ATAD1: variants seen among roughly 807,000 people sequenced by gnomAD.
ATAD1 encodes the protein outer mitochondrial transmembrane helix translocase.
ATAD1 carries 18 observed loss-of-function variants against 42.7 expected under a neutral mutation model. That is an observed-to-expected ratio of 0.42 (90% CI 0.29 to 0.63). ATAD1 has a LOEUF of 0.63. Among genes scored for constraint, ATAD1 ranks in the 20% least tolerant of loss-of-function variants. The pLI is 0.19. For missense variants in ATAD1, 294 were observed against 440.4 expected, an observed-to-expected ratio of 0.67 and a Z score of 2.98; for synonymous variants, 132 against 143.1, an observed-to-expected ratio of 0.92 and a Z score of 0.55.
chr10:87,778,913 A>G (rs1009510705), intron 5 of ATAD1, among the ~76,000 whole-genome samples: 1 of 152,234 alleles, frequency 6.6e-6, no homozygotes, highest in Admixed American at 6.5e-5. Context: ...CAAAACTATA[A>G]AACTTCTAGG....
intron 8 of ATAD1, among the ~76,000 whole-genome samples, chr10:87,761,943 T>C (rs1226569345): frequency 6.6e-6 from 1 of 152,044 alleles, no homozygotes; most frequent in Non-Finnish European, 1.5e-5. Flanking sequence ...TGAGGTCTCA[T>C]CATGTTGCCC....
In ATAD1 at chr10:87,753,122, A is replaced by T. The variant is rs1854081295; in HGVS notation, c.*1565T>A. On this transcript the variant is annotated 3_prime_UTR_variant, in exon 10 of 10. Coordinates refer to ENST00000680024, the MANE Select transcript of ATAD1 (RefSeq NM_001321967.2). The stretch of plus-strand genomic sequence containing the variant: ...ATTAAGTGGAGAACAACCAATAAAG[A>T]GGGACCCCTTTATTACACATTTATA... 1 of 152,168 alleles carries T rather than the reference A, an allele frequency of 6.6e-6. No individual in the cohort carries two copies. Among genetic ancestry groups the T allele is most frequent in the Admixed American group, 6.5e-5 (1 of 15,276 alleles). The allele number at this position is 152,168 out of a possible 1,614,324, so 9.4% of individuals were successfully genotyped here.
At chr10:87,814,743 A>G (rs997988304) in intron 1 of ATAD1, 131 bp from the exon 2 acceptor site, 11 of 652,936 alleles carry the variant, frequency 1.7e-5, no homozygotes, top group Non-Finnish European at 2.4e-5. Context: ...TACCTTAAAA[A>G]AAGTGTTTCA....
chr10:87,772,878 CA>C (rs1389397896), intron 6 of ATAD1, among the ~76,000 whole-genome samples: 1 of 152,062 alleles, frequency 6.6e-6, no homozygotes, highest in African/African-American at 2.4e-5. Flanking sequence ...AAATATAAAA[CA>C]GGAAGTGACA....
At chr10:87,768,818 T>G (rs1056201246) in intron 7 of ATAD1, among the ~76,000 whole-genome samples, 1 of 152,322 alleles carries the variant, frequency 6.6e-6, no homozygotes, top group Middle Eastern at 3.4e-3. Context: ...CCACAGTGGC[T>G]CATGCCAGTA....
rs756865878 is a variant in ATAD1 at position 87,776,332 on chromosome 10, G to T, written c.679C>A (p.His227Asn). ...TTTTATTCAAATACCTGGCAGCTGT[G>T]ATCAGTATCCAATCCATCCCAGAGA... ...MSLWDGLDTD[H>N]SCQVIVMGAT... is the part of the protein sequence containing the mutation. The change falls in exon 6 of 10, where the codon CAC becomes AAC. Residue 227 changes from histidine (H) to asparagine (N), a missense_variant. Physicochemically the swap from His to Asn is moderately conservative, Grantham distance 68. Transcript: ENST00000680024. 14 of 1,612,034 alleles carry T rather than the reference G, an allele frequency of 8.7e-6. No individual in the cohort carries two copies. The highest frequency in any genetic ancestry group is 6.7e-5 in the Admixed American group (4 of 59,844).
chr10:87,817,827 G>A (rs1310013883), intron 1 of ATAD1: 18 of 985,330 alleles, frequency 1.8e-5, no homozygotes, highest in Non-Finnish European at 2.2e-5. Flanking sequence ...GTCTAGGTTC[G>A]CCTGGTTCTG....
intron 1 of ATAD1, among the ~76,000 whole-genome samples, chr10:87,831,786 A>G (rs1857834502): frequency 6.6e-6 from 1 of 152,238 alleles, no homozygotes; most frequent in Non-Finnish European, 1.5e-5. Context: ...GTGGTTAAGA[A>G]CCTGGTGCAT....
intron 5 of ATAD1, among the ~76,000 whole-genome samples, chr10:87,780,006 C>T (rs977914810): frequency 6.6e-6 from 1 of 152,158 alleles, no homozygotes; most frequent in Non-Finnish European, 1.5e-5. Context: ...CCTGTGTCCA[C>T]AGGAAAACCT....
At chr10:87,776,450 C>A (rs1315370932) in intron 5 of ATAD1, 23 bp from the exon 6 acceptor site, 1 of 1,551,980 alleles carries the variant, frequency 6.4e-7, no homozygotes, top group East Asian at 2.2e-5. Flanking sequence ...GGTCCTTAAC[C>A]TTAGAAATTA....
At position 87,752,596 on chromosome 10, in the gene ATAD1, C is replaced by A. The variant is rs1024011839; in HGVS notation, c.*2091G>T. On this transcript the variant is annotated 3_prime_UTR_variant, in exon 10 of 10. Transcript: ENST00000680024. ...AAATTCAGGAAGCCTGATTCTAGAT[C>A]CAGTACTCTGAAGTATTACCCAAAA... 3.3e-5 allele frequency: 5 copies of A among 152,108 alleles called. No individual in the cohort carries two copies. Among genetic ancestry groups the A allele is most frequent in the African/African-American group, 1.2e-4 (5 of 41,432 alleles). 9.4% of individuals were successfully genotyped at this position (152,108 alleles called of 1,614,324 possible). A position where few individuals can be genotyped will look rare whatever the true frequency, so the allele number is the denominator to read the frequency against.
In ATAD1 at chr10:87,752,535, G is replaced by A. The variant is rs1719211626; in HGVS notation, c.*2152C>T. On this transcript the variant is annotated 3_prime_UTR_variant, in exon 10 of 10. Coordinates refer to ENST00000680024, the MANE Select transcript of ATAD1 (RefSeq NM_001321967.2). Reference sequence around the variant, plus strand: ...CCCCATTTTACAGATGAGAAACTGGGCTCACAGACACACAGTTAATGGGGA... The same window carrying A: ...CCCCATTTTACAGATGAGAAACTGGACTCACAGACACACAGTTAATGGGGA... The A allele has an allele frequency of 7.1e-6, 1 of 140,200 alleles. No homozygotes were observed. Among genetic ancestry groups the A allele is most frequent in the Admixed American group, 7.1e-5 (1 of 14,026 alleles). The allele number at this position is 140,200 out of a possible 1,614,324, so 8.7% of individuals were successfully genotyped here.
chr10:87,817,020 C>G (rs1857447345), intron 1 of ATAD1, among the ~76,000 whole-genome samples: 1 of 152,182 alleles, frequency 6.6e-6, no homozygotes, highest in South Asian at 2.1e-4. Context: ...GGTCAACACA[C>G]AAAACCCGTT....
intron 8 of ATAD1, among the ~76,000 whole-genome samples, chr10:87,761,863 T>C (rs977029177): frequency 6.6e-6 from 1 of 152,008 alleles, no homozygotes; most frequent in Non-Finnish European, 1.5e-5. Flanking sequence ...TAAGCTCAAG[T>C]GATCCTCCTG....
At chr10:87,808,801 A>G (rs1469869147) in intron 2 of ATAD1, among the ~76,000 whole-genome samples, 2 of 152,216 alleles carry the variant, frequency 1.3e-5, no homozygotes, top group Non-Finnish European at 2.9e-5. Flanking sequence ...ATATTGCTGA[A>G]TTTAACTTGC....
At chr10:87,803,068 A>G (rs1374535672) in intron 2 of ATAD1, among the ~76,000 whole-genome samples, 2 of 152,198 alleles carry the variant, frequency 1.3e-5, no homozygotes. Context: ...CCACTTTAAT[A>G]CCTGCCTACT....
rs371148047 is a variant in ATAD1, at chr10:87,811,030, T to C, written c.162+3408A>G. 9.9e-5 allele frequency among the ~76,000 whole-genome samples: 15 copies of C among 152,270 alleles called. No homozygotes were observed. The East Asian group carries it at 2.5e-3, about 25-fold the overall frequency. On this transcript the variant is annotated intron_variant, in intron 2 of 9. Coordinates refer to ENST00000680024, the MANE Select transcript of ATAD1 (RefSeq NM_001321967.2). The stretch of plus-strand genomic sequence containing the variant: ...CATTCTTTACTTTGTTGATAGCTCA[T>C]GAATGCCTTTAAGATTTTTAGGCCA...
At chr10:87,809,480 G>A (rs1250861091) in intron 2 of ATAD1, among the ~76,000 whole-genome samples, 1 of 151,676 alleles carries the variant, frequency 6.6e-6, no homozygotes, top group Non-Finnish European at 1.5e-5. Context: ...TAAAAGAGGT[G>A]AAGGTGGAAG....
chr10:87,778,231 G>T (rs1855403437), intron 5 of ATAD1, among the ~76,000 whole-genome samples: 1 of 148,950 alleles, frequency 6.7e-6, no homozygotes, highest in Non-Finnish European at 1.5e-5. Flanking sequence ...CAAGCCAGGG[G>T]TTCGAGACCA....
Sources: gnomAD v4.1 joint callset for allele counts (sites outside exome capture counted in the v4.1 genomes callset) on GRCh38, gnomAD v4.1.1 for gene constraint, MANE v1.5 for transcripts, NCBI Gene and HGNC (gene_info 2026-07-23, HGNC 2026-07-21) for gene names.